The following CLTC variants were observed in gnomAD, a reference collection of about 807,000 sequenced individuals.
CLTC encodes the protein clathrin heavy chain 1.
In CLTC, 16 loss-of-function variants were observed where a neutral mutation model predicts 195.8. The ratio of observed to expected loss-of-function variants is 0.08; its 90% confidence interval spans 0.06 to 0.12. The LOEUF is 0.12. CLTC is among the 10% of genes least tolerant of loss of function. The pLI is 1.00. For synonymous variants in CLTC, 667 were observed against 689.4 expected (o/e 0.97, Z 0.51); for missense variants, 796 against 2,027.0 (o/e 0.39, Z 11.66).
intron 30 of CLTC, among the ~76,000 whole-genome samples, chr17:59,688,407 A>G (rs1028762789): frequency 1.3e-5 from 2 of 152,202 alleles, no homozygotes; most frequent in Non-Finnish European, 2.9e-5. Flanking sequence ...GTACAGATGG[A>G]ACTGAATTCA....
intron 3 of CLTC, 134 bp downstream of exon 3, chr17:59,647,800 T>TTCCTTCCTCCCATCCCTTCTCTTC: frequency 2.6e-6 from 2 of 783,260 alleles, no homozygotes; most frequent in Non-Finnish European, 4.1e-6. Flanking sequence ...GACTTTTTTT[T>TTCCTTCCTCCCATCCCTTCTCTTC]TCCTTCCTCC....
intron 1 of CLTC, among the ~76,000 whole-genome samples, chr17:59,629,602 C>T (rs2031652199): frequency 6.9e-6 from 1 of 144,610 alleles, no homozygotes; most frequent in Non-Finnish European, 1.5e-5. Context: ...CTCACTGCAA[C>T]TTCTGCCTCC....
chr17:59,674,887 T>G (rs748438818), intron 16 of CLTC, 44 bp downstream of exon 16: 1 of 1,563,112 alleles, frequency 6.4e-7, no homozygotes, highest in Non-Finnish European at 8.7e-7. Context: ...TTTCTTAACA[T>G]GGCAATAGAT....
chr17:59,643,067 A>G (rs1281572704), intron 1 of CLTC, among the ~76,000 whole-genome samples: 1 of 151,362 alleles, frequency 6.6e-6, no homozygotes, highest in East Asian at 1.9e-4. Flanking sequence ...GGAAAACTGT[A>G]TTGCTAGAGG....
At chr17:59,646,853 G>A (rs2032209185) in intron 2 of CLTC, among the ~76,000 whole-genome samples, 1 of 152,012 alleles carries the variant, frequency 6.6e-6, no homozygotes, top group Non-Finnish European at 1.5e-5. Flanking sequence ...TCTTAAGCCG[G>A]TTAAATGTAG....
In CLTC at chr17:59,696,399, G is replaced by A. The variant is rs887939569; in HGVS notation, c.*2547G>A. ...GTGCTATAACGCTGCTTATATTGCAGTTAACCATAGAGAGGTGGAGCCACT... is the reference window on the plus strand; with the variant it reads ...GTGCTATAACGCTGCTTATATTGCAATTAACCATAGAGAGGTGGAGCCACT... On this transcript the variant is annotated 3_prime_UTR_variant, in exon 32 of 32. Coordinates refer to ENST00000269122, the MANE Select transcript of CLTC (RefSeq NM_004859.4). The A allele has an allele frequency of 4.6e-6, 1 of 219,160 alleles. No individual in the cohort carries two copies. Among genetic ancestry groups the A allele is most frequent in the South Asian group, 1.9e-4 (1 of 5,398 alleles). The allele number at this position is 219,160 out of a possible 1,614,324, so 13.6% of individuals were successfully genotyped here.
rs765469417 is a variant in CLTC, at chr17:59,682,480, T to G, written c.3600+52T>G. The G allele has an allele frequency of 6.2e-7, 1 of 1,606,620 alleles. No individual in the cohort carries two copies. The highest frequency in any genetic ancestry group is 1.3e-5 in the African/African-American group (1 of 74,686). ...AAACTAGTTGGGCTACTTGATTAGC[T>G]TGGTAGGATCAAAACATCATAACTG... On this transcript the variant is annotated intron_variant, in intron 22 of 31. Coordinates refer to ENST00000269122, the MANE Select transcript of CLTC (RefSeq NM_004859.4). This position sits in a 1 kb window ranked among gnomAD's most constrained non-coding sequence, Gnocchi z 6.8.
intron 6 of CLTC, among the ~76,000 whole-genome samples, chr17:59,657,767 CAAAAA>C (rs995771746): frequency 1.7e-5 from 1 of 60,508 alleles, no homozygotes; most frequent in Admixed American, 1.9e-4. Context: ...GACTCTGTCT[CAAAAA>C]AAAAAAAAAA....
At position 59,685,244 on chromosome 17, in the gene CLTC, G is replaced by A; in HGVS notation, c.4605+18G>A. 6.4e-7 allele frequency: 1 copy of A among 1,564,396 alleles called. No individual in the cohort carries two copies. The highest frequency in any genetic ancestry group is 8.7e-7 in the Non-Finnish European group (1 of 1,150,628). ...TTTACAAGGTTGATAAAGTTGCGGG[G>A]CAGGGGCTGTTTTAAACCAGGCCTA... On this transcript the variant is annotated intron_variant, in intron 29 of 31. Coordinates refer to ENST00000269122, the MANE Select transcript of CLTC (RefSeq NM_004859.4). The surrounding 1 kb of genome is among the most constrained non-coding windows in gnomAD (Gnocchi z 5.0).
At chr17:59,687,909 G>T (rs1340011431) in intron 30 of CLTC, among the ~76,000 whole-genome samples, 1 of 152,086 alleles carries the variant, frequency 6.6e-6, no homozygotes, top group Non-Finnish European at 1.5e-5. Flanking sequence ...TTATCAAATT[G>T]TGGTTAGAAA....
chr17:59,659,082 T>TA (rs993821799), intron 6 of CLTC, among the ~76,000 whole-genome samples: 7 of 152,240 alleles, frequency 4.6e-5, no homozygotes, highest in Non-Finnish European at 4.4e-5. Flanking sequence ...ACAAATTAAA[T>TA]ACGTTTTATG....
chr17:59,668,737 AGT>A, intron 13 of CLTC, 38 bp from the exon 14 acceptor site: 1 of 1,505,224 alleles, frequency 6.6e-7, no homozygotes, highest in Non-Finnish European at 9.0e-7. Flanking sequence ...CATTCTCAAA[AGT>A]GTGCCTATGC....
chr17:59,680,508 T>C (rs1307390569), intron 18 of CLTC, among the ~76,000 whole-genome samples: 1 of 152,118 alleles, frequency 6.6e-6, no homozygotes, highest in African/African-American at 2.4e-5. Flanking sequence ...TTACAAAGCT[T>C]CCTAGGGGAA....
intron 31 of CLTC, 116 bp from the exon 32 acceptor site, chr17:59,693,612 T>G: frequency 1.6e-6 from 2 of 1,235,586 alleles, no homozygotes; most frequent in Non-Finnish European, 2.2e-6. Flanking sequence ...ATACAACTCA[T>G]TTGAGGTTGA....
At chr17:59,624,454 C>CTT (rs5821272) in intron 1 of CLTC, among the ~76,000 whole-genome samples, 1,284 of 98,044 alleles carry the variant, frequency 0.013, 85 homozygotes, top group African/African-American at 0.034. Context: ...GAGCCACATA[C>CTT]TTTTTTTTTT....
chr17:59,664,550 C>CAAAAA (rs57413220), intron 9 of CLTC: 8 of 224,514 alleles, frequency 3.6e-5, no homozygotes, highest in Admixed American at 6.2e-5. Flanking sequence ...GACCCTGTCT[C>CAAAAA]AAAAAAAAAA....
At chr17:59,629,458 G>A (rs1183244058) in intron 1 of CLTC, among the ~76,000 whole-genome samples, 1 of 151,718 alleles carries the variant, frequency 6.6e-6, no homozygotes, top group Admixed American at 6.6e-5. Context: ...GATGTTATAA[G>A]CAGATGATTT....
intron 8 of CLTC, among the ~76,000 whole-genome samples, 179 bp downstream of exon 8, chr17:59,661,822 G>T (rs140063936): frequency 4.0e-5 from 6 of 151,726 alleles, no homozygotes; most frequent in East Asian, 1.9e-4. Flanking sequence ...ATATTTTTTC[G>T]CCGGGCATGG....
rs765922955 is a variant in CLTC at position 59,681,759 on chromosome 17, T to C, written c.3362T>C (p.Val1121Ala). 1 of 1,614,092 alleles carries C rather than the reference T, an allele frequency of 6.2e-7. No homozygotes were observed. Among genetic ancestry groups the C allele is most frequent in the South Asian group, 1.1e-5 (1 of 91,078 alleles). ...AAAGCCCAGTTGCAGAAAGGAATGG[T>C]GAAAGAAGCCATTGATTCTTATATC... ...LAKAQLQKGM[V>A]KEAIDSYIKA... Residue 1121 changes from valine to alanine, a missense_variant, in exon 21 of 32, where the codon GTG (valine) becomes GCG (alanine). Val to Ala is a moderately conservative substitution (Grantham distance 64, BLOSUM62 0). This residue lies in a region of CLTC where 50 missense variants were observed against 77.2 expected (regional missense o/e 0.65). Transcript: ENST00000269122. The surrounding 1 kb of genome is among the most constrained non-coding windows in gnomAD (Gnocchi z 5.0).
Sources: gnomAD v4.1 joint callset for allele counts (sites outside exome capture counted in the v4.1 genomes callset) on GRCh38, gnomAD v4.1.1 for gene constraint, gnomAD v4.1.1 regional missense constraint, Gnocchi (gnomAD v3.1) non-coding constraint, MANE v1.5 for transcripts, NCBI Gene and HGNC (gene_info 2026-07-23, HGNC 2026-07-21) for gene names.